The following NPLOC4 variants were observed in gnomAD, a reference collection of about 807,000 sequenced individuals.
NPLOC4 encodes NPL4 homolog, ubiquitin recognition factor, also known as nuclear protein localization protein 4 homolog.
A neutral mutation model predicts 80.6 loss-of-function variants in NPLOC4; 18 were observed. That is an observed-to-expected ratio of 0.22 (90% CI 0.15 to 0.33). The LOEUF (loss-of-function observed/expected upper bound fraction) is 0.33, where lower values mean the gene tolerates loss of function less well. Among genes scored for constraint, NPLOC4 ranks in the 10% least tolerant of loss-of-function variants. The pLI is 1.00. For missense variants in NPLOC4, 540 were observed against 786.1 expected, an observed-to-expected ratio of 0.69 and a Z score of 3.74; for synonymous variants, 313 against 301.5, an observed-to-expected ratio of 1.04 and a Z score of -0.39.
At chr17:81,600,642 T>C (rs896670682) in intron 8 of NPLOC4, among the ~76,000 whole-genome samples, 2 of 152,142 alleles carry the variant, frequency 1.3e-5, no homozygotes, top group Non-Finnish European at 2.9e-5. Context: ...CTGCAAAACA[T>C]GTGGCATGCA....
At chr17:81,613,184 G>T in intron 4 of NPLOC4, 134 bp downstream of exon 4, 6 of 664,772 alleles carry the variant, frequency 9.0e-6, no homozygotes, top group South Asian at 4.3e-5. Context: ...AGTTTAATCT[G>T]AAGATAGTAA....
chr17:81,617,918 C>T (rs1012825570), intron 3 of NPLOC4, among the ~76,000 whole-genome samples: 2 of 152,220 alleles, frequency 1.3e-5, no homozygotes, highest in Admixed American at 6.5e-5. Context: ...CTCGGCCTCC[C>T]GAGGTGCCGG....
chr17:81,592,027 G>A (rs2034763081), intron 11 of NPLOC4, among the ~76,000 whole-genome samples: 1 of 152,188 alleles, frequency 6.6e-6, no homozygotes. Flanking sequence ...CTTCATTGGG[G>A]CTCTTATACT....
intron 11 of NPLOC4, among the ~76,000 whole-genome samples, chr17:81,592,361 G>C (rs930786135): frequency 3.9e-5 from 6 of 152,178 alleles, no homozygotes; most frequent in African/African-American, 1.4e-4. Flanking sequence ...TTAAAAGCAC[G>C]CATGAGGATA....
At chr17:81,569,155 T>C in intron 13 of NPLOC4, 44 bp from the exon 14 acceptor site, 1 of 1,367,858 alleles carries the variant, frequency 7.3e-7, no homozygotes, top group East Asian at 2.3e-5. Context: ...AGGCTGAAAA[T>C]GGTGTGGCCG....
intron 12 of NPLOC4, among the ~76,000 whole-genome samples, chr17:81,582,269 T>A (rs1033929145): frequency 6.6e-6 from 1 of 152,186 alleles, no homozygotes. Flanking sequence ...AGGGCAAAGC[T>A]GAAGATGCCT....
At chr17:81,602,340 A>C (rs2035078354) in intron 8 of NPLOC4, among the ~76,000 whole-genome samples, 1 of 152,138 alleles carries the variant, frequency 6.6e-6, no homozygotes. Flanking sequence ...TGAGGCCAGG[A>C]GTTTGAGACC....
chr17:81,632,944 C>G (rs1363944811), intron 1 of NPLOC4, among the ~76,000 whole-genome samples: 1 of 152,020 alleles, frequency 6.6e-6, no homozygotes, highest in Non-Finnish European at 1.5e-5. Flanking sequence ...TCCTGGCTAA[C>G]ACGGTGAAAC....
chr17:81,596,252 G>A lies in NPLOC4; in HGVS notation c.994-10C>T, dbSNP rs367545000. The A allele has an allele frequency of 3.1e-6, 5 of 1,600,846 alleles. No homozygotes were observed. Among genetic ancestry groups the A allele is most frequent in the Non-Finnish European group, 3.4e-6 (4 of 1,172,358 alleles). ...TTAGGAAATAGGTGTCCTAAGACAA[G>A]AGAAGCAGCCTATCAAATTTTACAG... On this transcript the variant is annotated splice_polypyrimidine_tract_variant and intron_variant, in intron 10 of 16. Transcript: ENST00000331134.
chr17:81,609,823 C>A (rs1325352472), intron 5 of NPLOC4, among the ~76,000 whole-genome samples: 1 of 152,212 alleles, frequency 6.6e-6, no homozygotes, highest in African/African-American at 2.4e-5. Flanking sequence ...CGGTAACTCT[C>A]AGTCTCACCA....
At chr17:81,589,472 A>G (rs918696410) in intron 11 of NPLOC4, among the ~76,000 whole-genome samples, 30 of 150,792 alleles carry the variant, frequency 2.0e-4, no homozygotes, top group Non-Finnish European at 3.8e-4. Context: ...CGGGAGGTGG[A>G]GCTTGCAGTG....
chr17:81,612,076 A>G (rs902126421), intron 4 of NPLOC4, among the ~76,000 whole-genome samples: 1 of 152,170 alleles, frequency 6.6e-6, no homozygotes, highest in Non-Finnish European at 1.5e-5. Flanking sequence ...TACCTACTTC[A>G]TATGCATTTT....
At chr17:81,561,378 T>C (rs2033843853) in intron 16 of NPLOC4, among the ~76,000 whole-genome samples, 2 of 152,256 alleles carry the variant, frequency 1.3e-5, no homozygotes, top group African/African-American at 4.8e-5. Flanking sequence ...GTGTATGTAC[T>C]GCTAATACTG....
At chr17:81,609,516 T>G (rs1035662117) in intron 5 of NPLOC4, among the ~76,000 whole-genome samples, 3 of 151,976 alleles carry the variant, frequency 2.0e-5, no homozygotes, top group East Asian at 3.9e-4. Context: ...AAAAAAAGAG[T>G]TGCCCAGGCT....
intron 12 of NPLOC4, among the ~76,000 whole-genome samples, chr17:81,575,318 G>A (rs1282873855): frequency 1.3e-5 from 2 of 152,186 alleles, no homozygotes; most frequent in African/African-American, 2.4e-5. Flanking sequence ...AGCCAGGATG[G>A]TCTCGATCTC....
chr17:81,608,571 A>C (rs953065148), intron 6 of NPLOC4, among the ~76,000 whole-genome samples, 157 bp downstream of exon 6: 1 of 152,196 alleles, frequency 6.6e-6, no homozygotes, highest in African/African-American at 2.4e-5. Flanking sequence ...GTACATAAAA[A>C]ATAAATAAAT....
At chr17:81,575,228 T>G (rs576872841) in intron 12 of NPLOC4, among the ~76,000 whole-genome samples, 2 of 152,170 alleles carry the variant, frequency 1.3e-5, no homozygotes, top group East Asian at 3.9e-4. Flanking sequence ...GCCTCCCGAG[T>G]AGCTGGGACT....
At chr17:81,602,484 C>G (rs1314798367) in intron 8 of NPLOC4, among the ~76,000 whole-genome samples, 1 of 151,780 alleles carries the variant, frequency 6.6e-6, no homozygotes, top group Non-Finnish European at 1.5e-5. Context: ...GCGGGTGGAT[C>G]ACGAGGTCAG....
At chr17:81,619,569 GA>G (rs1359977730) in intron 3 of NPLOC4, among the ~76,000 whole-genome samples, 2 of 135,636 alleles carry the variant, frequency 1.5e-5, no homozygotes, top group Non-Finnish European at 3.1e-5. Context: ...AAAAAAAAAA[GA>G]AAGAAAAGAA....
Sources: gnomAD v4.1 joint callset for allele counts (sites outside exome capture counted in the v4.1 genomes callset) on GRCh38, gnomAD v4.1.1 for gene constraint, MANE v1.5 for transcripts, NCBI Gene and HGNC (gene_info 2026-07-23, HGNC 2026-07-21) for gene names.